EPS15L1: variants seen among roughly 807,000 people sequenced by gnomAD.
EPS15L1 encodes the protein epidermal growth factor receptor pathway substrate 15 like 1, also known as epidermal growth factor receptor substrate 15-like 1.
A neutral mutation model predicts 117.1 loss-of-function variants in EPS15L1; 43 were observed. The observed-to-expected ratio is 0.37, with a 90% confidence interval of 0.29 to 0.47. EPS15L1 has a LOEUF of 0.47. EPS15L1 is among the 20% of genes least tolerant of loss of function. EPS15L1 has a pLI of 0.99. For synonymous variants in EPS15L1, 459 were observed against 470.5 expected (o/e 0.98, Z 0.32); for missense variants, 981 against 1,164.0 (o/e 0.84, Z 2.29).
intron 13 of EPS15L1, among the ~76,000 whole-genome samples, chr19:16,408,017 G>A (rs866929984): frequency 2.3e-4 from 35 of 152,306 alleles, no homozygotes; most frequent in Middle Eastern, 3.4e-3. Context: ...TGTGGGAGCT[G>A]GGGATGTGGG....
chr19:16,471,919 G>T lies in EPS15L1; in HGVS notation c.27C>A (p.Ser9=). The change falls in exon 1 of 24, where the codon TCC becomes TCA. Residue 9 remains serine (S), a synonymous_variant. Transcript: ENST00000455140. The surrounding 1 kb of genome is among the most constrained non-coding windows in gnomAD (Gnocchi z 4.8). MAAPLIPL[S]QQIPTGNSLY... ...AGGCCCGCCCGGCCCGTACCTGCTGGGAGAGGGGGATGAGCGGCGCCGCCA... is the reference window on the plus strand; with the variant it reads ...AGGCCCGCCCGGCCCGTACCTGCTGTGAGAGGGGGATGAGCGGCGCCGCCA... 1 of 1,300,392 alleles carries T rather than the reference G, an allele frequency of 7.7e-7. No individual in the cohort carries two copies. The highest frequency in any genetic ancestry group is 9.7e-7 in the Non-Finnish European group (1 of 1,026,384). 80.6% of individuals were successfully genotyped at this position (1,300,392 alleles called of 1,614,324 possible).
In EPS15L1 at chr19:16,449,595, A is replaced by C. The variant is rs573673344; in HGVS notation, c.34-7376T>G. Among the ~76,000 whole-genome samples the C allele has an allele frequency of 2.6e-4, 39 of 152,264 alleles. 1 individual carries two copies. In the South Asian group the frequency reaches 4.1e-3, roughly 16 times the overall value. On this transcript the variant is annotated intron_variant, in intron 1 of 23. Transcript: ENST00000455140. ...CAGTTTCTTAAAACAACAACAACAA[A>C]AAAAAACTAAACACAACATGAAACT...
intron 4 of EPS15L1, among the ~76,000 whole-genome samples, chr19:16,440,198 C>T (rs1034306863): frequency 1.3e-5 from 2 of 151,966 alleles, no homozygotes; most frequent in Non-Finnish European, 2.9e-5. Flanking sequence ...TTTGGGAGGC[C>T]GAGGTGGGCA....
At chr19:16,410,026 C>T (rs900027770) in intron 13 of EPS15L1, among the ~76,000 whole-genome samples, 15 of 148,342 alleles carry the variant, frequency 1.0e-4, no homozygotes, top group Non-Finnish European at 1.5e-4. Flanking sequence ...CCCAGCTACT[C>T]GGGAAGCCGA....
chr19:16,382,702 C>T (rs190748348), intron 21 of EPS15L1, among the ~76,000 whole-genome samples: 16 of 151,254 alleles, frequency 1.1e-4, no homozygotes, highest in Non-Finnish European at 2.1e-4. Flanking sequence ...TGGAAACATA[C>T]TTTGGGGAAT....
chr19:16,400,633 T>A, intron 16 of EPS15L1: 1 of 985,192 alleles, frequency 1.0e-6, no homozygotes, highest in Non-Finnish European at 1.2e-6. Flanking sequence ...GCCAGAAAAA[T>A]GCTTTAAAAA....
At chr19:16,447,794 A>T (rs1369168906) in intron 1 of EPS15L1, among the ~76,000 whole-genome samples, 1 of 152,084 alleles carries the variant, frequency 6.6e-6, no homozygotes, top group Non-Finnish European at 1.5e-5. Flanking sequence ...AGCTAAAACA[A>T]TTCTGAAAAA....
At chr19:16,448,994 C>A (rs1222650561) in intron 1 of EPS15L1, among the ~76,000 whole-genome samples, 4 of 152,080 alleles carry the variant, frequency 2.6e-5, no homozygotes, top group African/African-American at 7.2e-5. Flanking sequence ...CATGGGCAAG[C>A]CAGGCATGGT....
chr19:16,427,395 A>G (rs1208023491), intron 8 of EPS15L1, among the ~76,000 whole-genome samples: 1 of 152,180 alleles, frequency 6.6e-6, no homozygotes. Flanking sequence ...TGTGTGTATT[A>G]CACTTACTGG....
intron 3 of EPS15L1, 113 bp downstream of exon 3, chr19:16,441,779 A>C: frequency 1.3e-6 from 1 of 766,598 alleles, no homozygotes; most frequent in Non-Finnish European, 2.2e-6. Context: ...CGACCAGGCC[A>C]CTACCCAGGA....
chr19:16,357,922 CCAA>C (rs2092004324), intron 23 of EPS15L1: 1 of 152,222 alleles, frequency 6.6e-6, no homozygotes, highest in African/African-American at 2.4e-5. Flanking sequence ...CAAGGAAAAA[CCAA>C]CAAGTGCAGG....
chr19:16,438,967 C>T (rs1222069451), intron 4 of EPS15L1, among the ~76,000 whole-genome samples: 2 of 152,104 alleles, frequency 1.3e-5, no homozygotes, highest in Non-Finnish European at 2.9e-5. Context: ...CACCTAGACA[C>T]GGGAAGGAAG....
rs1052133389 is a variant in EPS15L1, at chr19:16,471,359, C to T, written c.33+554G>A. Reference sequence around the variant, plus strand: ...GCTATCGATACTGCCCCTTCATAAGCGCATCAGGCGAATTTGAGGACACAG... The same window carrying T: ...GCTATCGATACTGCCCCTTCATAAGTGCATCAGGCGAATTTGAGGACACAG... On this transcript the variant is annotated intron_variant, in intron 1 of 23. Transcript: ENST00000455140. This position sits in a 1 kb window ranked among gnomAD's most constrained non-coding sequence, Gnocchi z 4.8. Among the ~76,000 whole-genome samples the T allele has an allele frequency of 6.6e-6, 1 of 152,214 alleles. No individual in the cohort carries two copies. Among genetic ancestry groups the T allele is most frequent in the Non-Finnish European group, 1.5e-5 (1 of 68,032 alleles).
At chr19:16,395,934 G>GAGAGAT in intron 16 of EPS15L1, among the ~76,000 whole-genome samples, 1 of 142,874 alleles carries the variant, frequency 7.0e-6, no homozygotes, top group African/African-American at 2.6e-5. Context: ...GATAGAGTGA[G>GAGAGAT]TCTATCTCAA....
intron 1 of EPS15L1, among the ~76,000 whole-genome samples, chr19:16,457,440 G>A (rs895841583): frequency 6.6e-6 from 1 of 152,200 alleles, no homozygotes; most frequent in Non-Finnish European, 1.5e-5. Context: ...GGGAGACTCA[G>A]TCAAGCGAGG....
At chr19:16,424,419 G>A (rs147758261) in intron 9 of EPS15L1, among the ~76,000 whole-genome samples, 48 of 151,954 alleles carry the variant, frequency 3.2e-4, no homozygotes, top group African/African-American at 1.1e-3. Context: ...GGGTTATGAC[G>A]CTGGGTGACC....
At chr19:16,417,809 C>T (rs2092773239) in intron 11 of EPS15L1, 139 bp downstream of exon 11, 1 of 1,329,938 alleles carries the variant, frequency 7.5e-7, no homozygotes, top group Non-Finnish European at 1.0e-6. Flanking sequence ...AAGCCACCCT[C>T]CCGGGGGCCC....
intron 1 of EPS15L1, among the ~76,000 whole-genome samples, chr19:16,460,791 C>A (rs2093241207): frequency 6.6e-6 from 1 of 152,292 alleles, no homozygotes; most frequent in South Asian, 2.1e-4. Context: ...TGTCTGGGAC[C>A]CCCCAACCAC....
At chr19:16,361,330 A>G (rs947567385) in intron 23 of EPS15L1, among the ~76,000 whole-genome samples, 9 of 152,000 alleles carry the variant, frequency 5.9e-5, no homozygotes, top group Non-Finnish European at 1.3e-4. Flanking sequence ...CACTTGTGGC[A>G]CAAAATGCAT....
Sources: allele counts gnomAD v4.1 joint callset (sites outside exome capture counted in the v4.1 genomes callset), GRCh38; gene constraint gnomAD v4.1.1; non-coding constraint Gnocchi (gnomAD v3.1); transcripts MANE v1.5; gene names NCBI Gene and HGNC (gene_info 2026-07-23, HGNC 2026-07-21).